Variants in PLEKHD1 observed in about 807,000 individuals in gnomAD.
The protein encoded by PLEKHD1 is pleckstrin homology domain-containing family D member 1.
In PLEKHD1, 51 loss-of-function variants were observed where a neutral mutation model predicts 69.2. The ratio of observed to expected loss-of-function variants is 0.74; its 90% CI spans 0.59 to 0.93. The LOEUF is 0.93. Among genes scored for constraint, PLEKHD1 ranks in the 40% least tolerant of loss-of-function variants. The pLI is 0.00. For synonymous variants in PLEKHD1, 236 were observed against 244.7 expected (o/e 0.96, Z 0.33); for missense variants, 584 against 641.0 (o/e 0.91, Z 0.96).
chr14:69,525,853 G>C, intron 8 of PLEKHD1, 91 bp from the exon 9 acceptor site: 1 of 1,223,202 alleles, frequency 8.2e-7, no homozygotes, highest in Non-Finnish European at 1.1e-6. Context: ...GAGAGGAGTG[G>C]GTCACTCCCC....
the PLEKHD1 span, among the ~76,000 whole-genome samples, chr14:69,471,071 G>A: frequency 7.6e-4 from 109 of 143,998 alleles, no homozygotes; most frequent in Non-Finnish European, 1.4e-3. Flanking sequence ...GATTACAGGC[G>A]TGAGCCACCG....
rs1445640466 is a variant in PLEKHD1, at chr14:69,530,585, A to T, written c.*2166A>T. 1 of 152,192 alleles carries T rather than the reference A, an allele frequency of 6.6e-6. No individual in the cohort carries two copies. The highest frequency in any genetic ancestry group is 1.5e-5 in the Non-Finnish European group (1 of 68,042). The allele number at this position is 152,192 out of a possible 1,614,324, so 9.4% of individuals were successfully genotyped here. On this transcript the variant is annotated 3_prime_UTR_variant, in exon 13 of 13. Transcript: ENST00000322564. ...TTTTCTTGGGCGAGCTATTAACCAG[A>T]CAGGAAAGTGCTAGTCTTCGTTTGC...
At chr14:69,481,744 GTGTC>G (rs1343148603), upstream of PLEKHD1, among the ~76,000 whole-genome samples, 1 of 152,186 alleles carries the variant, frequency 6.6e-6, no homozygotes. Flanking sequence ...TAAATGAAAT[GTGTC>G]TGTTGTAAAT....
chr14:69,475,149 G>C, the PLEKHD1 span, among the ~76,000 whole-genome samples: 1 of 152,226 alleles, frequency 6.6e-6, no homozygotes, highest in African/African-American at 2.4e-5. Flanking sequence ...TGCTAATTCT[G>C]TTCTAGATGA....
At chr14:69,511,910 T>A (rs1278504650) in intron 6 of PLEKHD1, among the ~76,000 whole-genome samples, 1 of 152,236 alleles carries the variant, frequency 6.6e-6, no homozygotes, top group Non-Finnish European at 1.5e-5. Context: ...CTAGCCTCAT[T>A]GAATGGATTA....
chr14:69,511,506 G>A (rs1883271574), intron 6 of PLEKHD1, among the ~76,000 whole-genome samples: 1 of 152,040 alleles, frequency 6.6e-6, no homozygotes, highest in African/African-American at 2.4e-5. Context: ...TTTTGCATCT[G>A]TGTTCATGAA....
At chr14:69,520,774 A>G (rs1207708412) in intron 6 of PLEKHD1, among the ~76,000 whole-genome samples, 3 of 152,156 alleles carry the variant, frequency 2.0e-5, no homozygotes, top group African/African-American at 7.2e-5. Flanking sequence ...TTATGTCTAT[A>G]TATGGTATCT....
chr14:69,508,105 A>C (rs1045971066), intron 6 of PLEKHD1, among the ~76,000 whole-genome samples: 1 of 152,220 alleles, frequency 6.6e-6, no homozygotes, highest in Non-Finnish European at 1.5e-5. Context: ...ATGCCATCTT[A>C]AAATTTTTAT....
chr14:69,517,809 T>C (rs1055005626), intron 6 of PLEKHD1, among the ~76,000 whole-genome samples: 2 of 152,052 alleles, frequency 1.3e-5, no homozygotes, highest in African/African-American at 4.8e-5. Context: ...ATCTGTCACC[T>C]AAAGAATCAC....
At chr14:69,475,680 C>T in the PLEKHD1 span, among the ~76,000 whole-genome samples, 1 of 152,146 alleles carries the variant, frequency 6.6e-6, no homozygotes, top group Non-Finnish European at 1.5e-5. Context: ...GTGAGGCTTC[C>T]CACAGGGGCC....
chr14:69,493,607 A>T (rs1373509971), intron 1 of PLEKHD1, among the ~76,000 whole-genome samples: 1 of 152,218 alleles, frequency 6.6e-6, no homozygotes, highest in Non-Finnish European at 1.5e-5. Context: ...TCAATAAAAC[A>T]CTTAGCATCA....
At chr14:69,517,471 GT>G (rs1269518185) in intron 6 of PLEKHD1, among the ~76,000 whole-genome samples, 1 of 152,072 alleles carries the variant, frequency 6.6e-6, no homozygotes, top group Admixed American at 6.5e-5. Flanking sequence ...GCAGGGAGGG[GT>G]GGGGGAGTAG....
chr14:69,495,313 C>A (rs374338641), intron 1 of PLEKHD1, among the ~76,000 whole-genome samples: 1 of 152,178 alleles, frequency 6.6e-6, no homozygotes, highest in East Asian at 1.9e-4. Context: ...ATCTCCCTGC[C>A]TTTACCCTGA....
intron 8 of PLEKHD1, among the ~76,000 whole-genome samples, chr14:69,525,385 G>A (rs1402640738): frequency 6.6e-6 from 1 of 152,114 alleles, no homozygotes; most frequent in Non-Finnish European, 1.5e-5. Flanking sequence ...ATCATGGGAG[G>A]TGGTTCCCAT....
intron 6 of PLEKHD1, 77 bp downstream of exon 6, chr14:69,502,956 G>A: frequency 6.6e-7 from 1 of 1,512,398 alleles, no homozygotes; most frequent in Non-Finnish European, 9.0e-7. Context: ...TGATGCAGGG[G>A]AGCTGGGTGC....
intron 6 of PLEKHD1, among the ~76,000 whole-genome samples, chr14:69,520,062 G>A (rs1286343258): frequency 6.6e-6 from 1 of 150,856 alleles, no homozygotes; most frequent in Non-Finnish European, 1.5e-5. Context: ...AGCTACTCGG[G>A]AGACTGAGAC....
intron 1 of PLEKHD1, among the ~76,000 whole-genome samples, chr14:69,489,558 C>CAAAAAAAAAAAAAAAAAAAAA (rs1166429791): frequency 1.7e-5 from 1 of 59,880 alleles, no homozygotes; most frequent in African/African-American, 7.1e-5. Context: ...TACTCCATCT[C>CAAAAAAAAAAAAAAAAAAAAA]AAAAAAAAAA....
At chr14:69,500,082 T>C in intron 1 of PLEKHD1, 33 bp from the exon 2 acceptor site, 1 of 1,452,732 alleles carries the variant, frequency 6.9e-7, no homozygotes, top group Non-Finnish European at 9.5e-7. Context: ...CCTTCTCTCC[T>C]GGTTGCTTTT....
intron 8 of PLEKHD1, among the ~76,000 whole-genome samples, chr14:69,524,612 C>A (rs1002030592): frequency 2.0e-5 from 3 of 152,134 alleles, no homozygotes; most frequent in Admixed American, 6.5e-5. Context: ...CATTTTTATA[C>A]CAGATAGAGG....
Sources: gnomAD v4.1 joint callset for allele counts (sites outside exome capture counted in the v4.1 genomes callset) on GRCh38, gnomAD v4.1.1 for gene constraint, MANE v1.5 for transcripts, NCBI Gene and HGNC (gene_info 2026-07-23, HGNC 2026-07-21) for gene names.